The following EYS variants were observed in gnomAD, a reference collection of about 807,000 sequenced individuals.
EYS encodes the protein protein eyes shut homolog.
Under a neutral mutation model 282.1 loss-of-function variants are expected in EYS, and 250 were observed. The observed-to-expected ratio is 0.89, with a 90% CI of 0.80 to 0.98. The LOEUF (loss-of-function observed/expected upper bound fraction) is 0.98, where lower values mean the gene tolerates loss of function less well. EYS is among the 50% of genes least tolerant of loss of function. EYS has a pLI of 0.00. For missense variants in EYS, 4,016 were observed against 3,709.0 expected (o/e 1.08, Z -2.15); for synonymous variants, 1,355 against 1,282.9 (o/e 1.06, Z -1.20).
chr6:65,143,438 T>C (rs949643572), intron 12 of EYS, among the ~76,000 whole-genome samples: 1 of 152,008 alleles, frequency 6.6e-6, no homozygotes, highest in Non-Finnish European at 1.5e-5. Context: ...TGTAAGTATA[T>C]AGATTTATTA....
At chr6:64,101,594 G>A (rs1772829476) in intron 31 of EYS, among the ~76,000 whole-genome samples, 1 of 151,974 alleles carries the variant, frequency 6.6e-6, no homozygotes, top group Non-Finnish European at 1.5e-5. Flanking sequence ...AGGTTTATCG[G>A]TATGTCTCTA....
chr6:64,864,385 C>CTTTTTTTTTTTTTTTTTGTTTTT (rs1766350268), intron 19 of EYS, among the ~76,000 whole-genome samples: 1 of 57,166 alleles, frequency 1.7e-5, no homozygotes, highest in Non-Finnish European at 3.6e-5. Context: ...GCTATACCTT[C>CTTTTTTTTTTTTTTTTTGTTTTT]TTTTTTTTTT....
intron 35 of EYS, among the ~76,000 whole-genome samples, chr6:63,946,715 T>A (rs1486688531): frequency 1.4e-5 from 2 of 145,236 alleles, no homozygotes; most frequent in Non-Finnish European, 1.5e-5. Context: ...TATAGTCTGG[T>A]TTTATGAACT....
intron 12 of EYS, among the ~76,000 whole-genome samples, chr6:65,161,464 C>A (rs1470536782): frequency 1.3e-5 from 2 of 150,894 alleles, no homozygotes; most frequent in African/African-American, 4.8e-5. Context: ...CCCATTTCCT[C>A]CAATTTTATT....
chr6:64,847,703 ATTT>A (rs1765758756), intron 19 of EYS, among the ~76,000 whole-genome samples: 2 of 152,032 alleles, frequency 1.3e-5, no homozygotes, highest in Non-Finnish European at 2.9e-5. Flanking sequence ...ATGTCTATTT[ATTT>A]TCTAAAACAA....
intron 22 of EYS, among the ~76,000 whole-genome samples, chr6:64,758,998 A>G (rs1397645683): frequency 2.0e-5 from 3 of 151,864 alleles, no homozygotes; most frequent in African/African-American, 4.8e-5. Flanking sequence ...AATTAACCAG[A>G]CGTGATGGCG....
intron 14 of EYS, among the ~76,000 whole-genome samples, chr6:64,951,538 A>G (rs1769509818): frequency 6.6e-6 from 1 of 152,034 alleles, no homozygotes; most frequent in Non-Finnish European, 1.5e-5. Context: ...CTGACAGTAG[A>G]AATATACTAT....
At chr6:64,559,622 T>C (rs1295550355) in intron 26 of EYS, among the ~76,000 whole-genome samples, 3 of 152,124 alleles carry the variant, frequency 2.0e-5, no homozygotes, top group African/African-American at 4.8e-5. Flanking sequence ...TTTGCAACTA[T>C]CATTAAAAAG....
chr6:65,652,489 T>C (rs1663949778), intron 1 of EYS, among the ~76,000 whole-genome samples: 1 of 151,966 alleles, frequency 6.6e-6, no homozygotes, highest in African/African-American at 2.4e-5. Context: ...GGTGTCACTT[T>C]TTTCATATTT....
In EYS at chr6:63,862,169, C is replaced by T. The variant is rs182946661; in HGVS notation, c.7228+2017G>A. Among the ~76,000 whole-genome samples, 4 of 152,180 alleles carry T rather than the reference C, an allele frequency of 2.6e-5. No homozygotes were observed. The East Asian group carries it at 7.7e-4, about 29-fold the overall frequency. Reference sequence around the variant, plus strand: ...GGTGACCTGTTAAAATGCCCTCCATCCCAGTTACTGTCTATCACTACTTGT... The same window carrying T: ...GGTGACCTGTTAAAATGCCCTCCATTCCAGTTACTGTCTATCACTACTTGT... On this transcript the variant is annotated intron_variant, in intron 36 of 42. Coordinates refer to ENST00000503581, the MANE Select transcript of EYS (RefSeq NM_001142800.2).
intron 12 of EYS, among the ~76,000 whole-genome samples, chr6:65,192,082 T>C (rs1765655362): frequency 6.6e-6 from 1 of 151,820 alleles, no homozygotes; most frequent in South Asian, 2.1e-4. Flanking sequence ...CAACTGGCCA[T>C]GATAAATACA....
chr6:64,561,252 C>T (rs527758856), intron 26 of EYS, among the ~76,000 whole-genome samples: 81 of 152,176 alleles, frequency 5.3e-4, no homozygotes, highest in African/African-American at 1.9e-3. Flanking sequence ...TGGAAACATT[C>T]CCCTTGAAAG....
intron 22 of EYS, among the ~76,000 whole-genome samples, chr6:64,766,685 A>T (rs866851184): frequency 3.5e-4 from 17 of 48,258 alleles, no homozygotes; most frequent in African/African-American, 9.5e-4. Flanking sequence ...TATATATATA[A>T]AATCTAACAA....
At chr6:63,728,490 C>T (rs1350913808) in intron 41 of EYS, among the ~76,000 whole-genome samples, 4 of 151,982 alleles carry the variant, frequency 2.6e-5, no homozygotes, top group Non-Finnish European at 5.9e-5. Flanking sequence ...CCATATACCC[C>T]TTGTCTCAAC....
At chr6:64,390,447 C>A (rs1773080171) in intron 28 of EYS, among the ~76,000 whole-genome samples, 1 of 151,936 alleles carries the variant, frequency 6.6e-6, no homozygotes, top group Non-Finnish European at 1.5e-5. Flanking sequence ...AGACTGCCTC[C>A]TCAAGTGGGT....
chr6:65,638,038 G>A (rs546653583), intron 2 of EYS, among the ~76,000 whole-genome samples: 1 of 152,272 alleles, frequency 6.6e-6, no homozygotes, highest in African/African-American at 2.4e-5. Context: ...CCCAGAGTGA[G>A]AACTTACGGT....
chr6:65,390,479 A>G (rs1423228317), intron 7 of EYS, among the ~76,000 whole-genome samples: 1 of 151,870 alleles, frequency 6.6e-6, no homozygotes, highest in African/African-American at 2.4e-5. Context: ...CTGTCTATAC[A>G]CTTCACTGCT....
rs1775855253 is a variant in EYS, at chr6:64,464,543, T to C, written c.5645-25191A>G. ...AATGTAATCTTATATATGGAAACAC[T>C]AAAGACTCAACTAAAAAGACCATTA... is the stretch of plus-strand genomic sequence containing the variant. On this transcript the variant is annotated intron_variant, in intron 26 of 42. Transcript: ENST00000503581. 2.0e-5 allele frequency among the ~76,000 whole-genome samples: 3 copies of C among 152,056 alleles called. No individual in the cohort carries two copies. The South Asian group carries it at 6.2e-4, about 31-fold the overall frequency.
chr6:65,548,036 A>G (rs1372948102), intron 2 of EYS, among the ~76,000 whole-genome samples: 1 of 152,168 alleles, frequency 6.6e-6, no homozygotes, highest in Non-Finnish European at 1.5e-5. Flanking sequence ...ATCAAACTTT[A>G]GTCAGACTTC....
Sources: gnomAD v4.1 joint callset for allele counts (sites outside exome capture counted in the v4.1 genomes callset) on GRCh38, gnomAD v4.1.1 for gene constraint, MANE v1.5 for transcripts, NCBI Gene and HGNC (gene_info 2026-07-23, HGNC 2026-07-21) for gene names.